The following TAOK3 variants were observed in gnomAD, a reference collection of about 807,000 sequenced individuals.
TAOK3 encodes the protein serine/threonine-protein kinase TAO3.
In TAOK3, 40 loss-of-function variants were observed where a neutral mutation model predicts 120.4. The ratio of observed to expected loss-of-function variants is 0.33; its 90% confidence interval spans 0.26 to 0.43. The LOEUF is 0.43. Among genes scored for constraint, TAOK3 ranks in the 20% least tolerant of loss-of-function variants. The probability of loss-of-function intolerance (pLI) is 1.00; values close to 1 mark genes in which losing one functional copy is unlikely to be tolerated. For synonymous variants in TAOK3, 355 were observed against 387.5 expected (o/e 0.92, Z 0.99); for missense variants, 821 against 1,112.1 (o/e 0.74, Z 3.72).
rs1555229408 is a variant in TAOK3, at chr12:118,242,882, A to AAT, written c.294+531_294+532dup. ...TCCAAACAAACAAACAAACAAACAA[A>AAT]ATATATATATATATATGAGTGTGTG... is the stretch of plus-strand genomic sequence containing the variant. On this transcript the variant is annotated intron_variant, in intron 5 of 20. Transcript: ENST00000392533. 5.4e-3 allele frequency among the ~76,000 whole-genome samples: 809 copies of AAT among 149,038 alleles called. 6 individuals are homozygous for AAT. Among genetic ancestry groups the AAT allele is most frequent in the East Asian group, 7.5e-3 (38 of 5,096 alleles).
intron 1 of TAOK3, among the ~76,000 whole-genome samples, chr12:118,309,077 C>T (rs191709922): frequency 1.3e-4 from 19 of 150,912 alleles, no homozygotes; most frequent in Admixed American, 5.9e-4. Context: ...GCCTGTAATC[C>T]CAGCACTTTG....
chr12:118,253,359 T>C (rs2040837626), intron 3 of TAOK3, among the ~76,000 whole-genome samples: 1 of 152,232 alleles, frequency 6.6e-6, no homozygotes, highest in South Asian at 2.1e-4. Flanking sequence ...ATTACAAGTT[T>C]GGAGAAGTAG....
intron 1 of TAOK3, among the ~76,000 whole-genome samples, chr12:118,369,673 C>T (rs1193727516): frequency 6.6e-6 from 1 of 152,080 alleles, no homozygotes; most frequent in Admixed American, 6.5e-5. Context: ...TGAATATATG[C>T]CTGTTCTAAA....
chr12:118,205,456 G>GA (rs2038248609), intron 11 of TAOK3, among the ~76,000 whole-genome samples: 1 of 151,974 alleles, frequency 6.6e-6, no homozygotes, highest in Non-Finnish European at 1.5e-5. Context: ...CTAATTAGTA[G>GA]AAGAGCTACG....
intron 14 of TAOK3, among the ~76,000 whole-genome samples, chr12:118,182,623 A>ATATATATATATTTT (rs371125415): frequency 1.1e-5 from 1 of 92,416 alleles, no homozygotes; most frequent in African/African-American, 4.9e-5. Context: ...ATATATATAT[A>ATATATATATATTTT]TTTTTTTTTT....
At chr12:118,256,052 C>G (rs1303319969) in intron 2 of TAOK3, 1 of 151,512 alleles carries the variant, frequency 6.6e-6, no homozygotes, top group African/African-American at 2.4e-5. Flanking sequence ...CCATTGCACT[C>G]CAGCCTGGGC....
At chr12:118,325,503 C>T (rs553822142) in intron 1 of TAOK3, among the ~76,000 whole-genome samples, 2 of 152,118 alleles carry the variant, frequency 1.3e-5, no homozygotes, top group East Asian at 1.9e-4. Flanking sequence ...TTTTCATATA[C>T]CTGTTGGCCA....
Position 118,172,452 on chromosome 12 carries a change from A to G in TAOK3, c.1899+5T>C. On this transcript the variant is annotated splice_donor_5th_base_variant and intron_variant, in intron 17 of 20. Transcript: ENST00000392533. ...AATGACAATAGTTACGAGCGTAATA[A>G]ATACCTCCCGAATGTTCTGCTGCTC... The G allele has an allele frequency of 1.2e-6, 2 of 1,614,076 alleles. No individual in the cohort carries two copies. The highest frequency in any genetic ancestry group is 1.1e-5 in the South Asian group (1 of 91,074).
intron 4 of TAOK3, among the ~76,000 whole-genome samples, chr12:118,244,417 G>A (rs991333361): frequency 1.3e-5 from 2 of 150,380 alleles, no homozygotes; most frequent in Non-Finnish European, 2.9e-5. Context: ...AATTATGAAT[G>A]TTCACACATT....
intron 1 of TAOK3, among the ~76,000 whole-genome samples, chr12:118,327,923 T>C (rs541149769): frequency 6.6e-6 from 1 of 152,320 alleles, no homozygotes; most frequent in East Asian, 1.9e-4. Context: ...TTTTTCTTAT[T>C]TTCAGAAAGC....
At chr12:118,172,736 T>A in intron 16 of TAOK3, 76 bp from the exon 17 acceptor site, 2 of 1,319,938 alleles carry the variant, frequency 1.5e-6, no homozygotes, top group East Asian at 4.6e-5. Context: ...AACTGAAGAT[T>A]AAGTTATTTG....
intron 1 of TAOK3, among the ~76,000 whole-genome samples, chr12:118,305,717 A>G (rs1378010234): frequency 6.6e-6 from 1 of 152,060 alleles, no homozygotes; most frequent in African/African-American, 2.4e-5. Context: ...TAGCCTGACC[A>G]TCATGGTGAA....
intron 3 of TAOK3, chr12:118,245,967 T>C (rs1047998279): frequency 1.0e-4 from 57 of 553,824 alleles, no homozygotes; most frequent in African/African-American, 9.9e-4. Context: ...ATGTTAAAAA[T>C]GTTTTGGTCA....
At chr12:118,182,623 A>ATTTTT (rs1555215274) in intron 14 of TAOK3, among the ~76,000 whole-genome samples, 199 of 92,388 alleles carry the variant, frequency 2.2e-3, no homozygotes, top group Middle Eastern at 7.0e-3. Context: ...ATATATATAT[A>ATTTTT]TTTTTTTTTT....
chr12:118,288,139 G>T (rs1465999819), intron 1 of TAOK3, among the ~76,000 whole-genome samples: 1 of 151,762 alleles, frequency 6.6e-6, no homozygotes, highest in Non-Finnish European at 1.5e-5. Flanking sequence ...TTGTTGCCCT[G>T]AAAAGTTTCC....
In TAOK3 at chr12:118,150,568, TTG is replaced by T. The variant is rs527894456; in HGVS notation, c.*427_*428del. ...TAGTTAAGGTGTAAGGCTGCGGATA[TTG>T]TGTCTCTCTCCCCCTTGGCATTTAT... On this transcript the variant is annotated 3_prime_UTR_variant, in exon 21 of 21. Coordinates refer to ENST00000392533, the MANE Select transcript of TAOK3 (RefSeq NM_016281.4). The T allele has an allele frequency of 9.1e-4, 140 of 153,944 alleles. No homozygotes were observed. Among genetic ancestry groups the T allele is most frequent in the Admixed American group, 1.4e-3 (21 of 15,350 alleles). 9.5% of individuals were successfully genotyped at this position (153,944 alleles called of 1,614,324 possible). A position where few individuals can be genotyped will look rare whatever the true frequency, so the allele number is the denominator to read the frequency against.
At chr12:118,334,683 G>A (rs1055615007) in intron 1 of TAOK3, among the ~76,000 whole-genome samples, 2 of 152,018 alleles carry the variant, frequency 1.3e-5, no homozygotes, top group African/African-American at 2.4e-5. Flanking sequence ...AGACCAGCCT[G>A]GCCAACATGG....
At chr12:118,351,649 C>T (rs1372116734) in intron 1 of TAOK3, among the ~76,000 whole-genome samples, 1 of 152,036 alleles carries the variant, frequency 6.6e-6, no homozygotes, top group East Asian at 1.9e-4. Context: ...GATTATAACA[C>T]CCAATTGAAG....
intron 1 of TAOK3, among the ~76,000 whole-genome samples, chr12:118,285,201 C>A (rs1435120413): frequency 6.6e-6 from 1 of 151,918 alleles, no homozygotes; most frequent in Non-Finnish European, 1.5e-5. Flanking sequence ...CGCCACCATA[C>A]CTGGCTAATT....
Sources: allele counts gnomAD v4.1 joint callset (sites outside exome capture counted in the v4.1 genomes callset), GRCh38; gene constraint gnomAD v4.1.1; transcripts MANE v1.5; gene names NCBI Gene and HGNC (gene_info 2026-07-23, HGNC 2026-07-21).